The following FER variants were observed in gnomAD, a reference collection of about 807,000 sequenced individuals.
The protein encoded by FER is FER tyrosine kinase, also known as tyrosine-protein kinase Fer.
FER carries 63 observed loss-of-function variants against 111.0 expected under a neutral mutation model. The observed-to-expected ratio is 0.57, with a 90% CI of 0.46 to 0.70. The LOEUF is 0.70. Ranked by LOEUF, FER falls within the 30% of genes least tolerant of loss-of-function variation. FER has a pLI of 0.00. For missense variants in FER, 914 were observed against 954.0 expected (o/e 0.96, Z 0.55); for synonymous variants, 327 against 313.9 (o/e 1.04, Z -0.44).
intron 17 of FER, among the ~76,000 whole-genome samples, chr5:109,101,934 G>C (rs1301718455): frequency 6.6e-6 from 1 of 152,012 alleles, no homozygotes; most frequent in Non-Finnish European, 1.5e-5. Context: ...GACCGCCTGT[G>C]GGCTTTAAAC....
At chr5:108,868,379 T>C (rs1386596038) in intron 6 of FER, among the ~76,000 whole-genome samples, 1 of 152,020 alleles carries the variant, frequency 6.6e-6, no homozygotes, top group Non-Finnish European at 1.5e-5. Context: ...TTATTGAAGT[T>C]TTACGTATGC....
At chr5:108,898,543 C>T (rs567092026) in intron 10 of FER, among the ~76,000 whole-genome samples, 20 of 135,266 alleles carry the variant, frequency 1.5e-4, no homozygotes, top group South Asian at 2.8e-4. Flanking sequence ...CTCCCTTCCC[C>T]TCCCCTTCCT....
At chr5:108,834,904 A>G (rs765515175) in intron 4 of FER, among the ~76,000 whole-genome samples, 1 of 152,098 alleles carries the variant, frequency 6.6e-6, no homozygotes, top group African/African-American at 2.4e-5. Context: ...TTATCTTCCA[A>G]GTTGCTGATA....
chr5:109,096,742 G>GTTT (rs1747582698), intron 16 of FER, among the ~76,000 whole-genome samples: 1 of 151,734 alleles, frequency 6.6e-6, no homozygotes, highest in Admixed American at 6.6e-5. Flanking sequence ...GCCAGTCTAG[G>GTTT]ACCACCCTTA....
chr5:108,754,362 G>A (rs1484660543), intron 1 of FER, among the ~76,000 whole-genome samples: 1 of 145,058 alleles, frequency 6.9e-6, no homozygotes, highest in Non-Finnish European at 1.5e-5. Context: ...AGCTATGATT[G>A]CAGCACTGTG....
chr5:108,835,856 C>G (rs1304702419), intron 5 of FER, 49 bp downstream of exon 5: 6 of 1,070,908 alleles, frequency 5.6e-6, no homozygotes, highest in Non-Finnish European at 8.1e-6. Context: ...TTTATTCTTA[C>G]TGTTTGAAAG....
chr5:109,045,918 A>C (rs1771905970), intron 15 of FER, among the ~76,000 whole-genome samples: 1 of 152,190 alleles, frequency 6.6e-6, no homozygotes, highest in African/African-American at 2.4e-5. Context: ...ATTTGTTCTA[A>C]CCAATTTCAG....
At chr5:108,911,547 T>C (rs1357230232) in intron 10 of FER, among the ~76,000 whole-genome samples, 1 of 152,108 alleles carries the variant, frequency 6.6e-6, no homozygotes, top group African/African-American at 2.4e-5. Context: ...TGTAGGCCAA[T>C]GTCTGGAAGA....
intron 16 of FER, among the ~76,000 whole-genome samples, chr5:109,085,364 T>C (rs1202282883): frequency 6.6e-6 from 1 of 151,826 alleles, no homozygotes; most frequent in African/African-American, 2.4e-5. Context: ...CAAGTATTTT[T>C]TTCTGGCATA....
intron 2 of FER, among the ~76,000 whole-genome samples, chr5:108,796,266 TG>T (rs1756005374): frequency 6.6e-6 from 1 of 152,138 alleles, no homozygotes; most frequent in South Asian, 2.1e-4. Flanking sequence ...GAGCAGGGGA[TG>T]GGGTGACACA....
rs1008663372 is a variant in FER at position 108,915,236 on chromosome 5, G to A, written c.1236+17388G>A. 5.3e-5 allele frequency among the ~76,000 whole-genome samples: 8 copies of A among 152,290 alleles called. No individual in the cohort carries two copies. The South Asian group carries it at 1.5e-3, about 28-fold the overall frequency. ...GCCTGTAATCCCAGCACTTTGGGAG[G>A]CTGAGGCAGTTGGATCACCTGAGGT... On this transcript the variant is annotated intron_variant, in intron 10 of 19. Transcript: ENST00000281092.
At chr5:108,796,358 C>A (rs893315247) in intron 2 of FER, among the ~76,000 whole-genome samples, 10 of 152,246 alleles carry the variant, frequency 6.6e-5, no homozygotes, top group African/African-American at 2.2e-4. Flanking sequence ...GCCCAAGGCC[C>A]ACTGTAATTG....
At chr5:109,013,376 A>G (rs1472452107) in intron 13 of FER, among the ~76,000 whole-genome samples, 2 of 151,420 alleles carry the variant, frequency 1.3e-5, no homozygotes, top group Non-Finnish European at 2.9e-5. Context: ...GATGATTTCC[A>G]ATTTCATCCA....
chr5:108,861,948 A>G (rs1448402780), intron 5 of FER, among the ~76,000 whole-genome samples: 3 of 151,956 alleles, frequency 2.0e-5, no homozygotes, highest in African/African-American at 7.3e-5. Context: ...TGTTTTTAAA[A>G]CTCTTTGTTT....
intron 13 of FER, among the ~76,000 whole-genome samples, chr5:108,974,730 A>G (rs1298931360): frequency 6.6e-6 from 1 of 152,242 alleles, no homozygotes; most frequent in Non-Finnish European, 1.5e-5. Flanking sequence ...GTAGTCAGAC[A>G]AGAAGATATG....
At chr5:109,081,819 A>G (rs1777017009) in intron 16 of FER, among the ~76,000 whole-genome samples, 1 of 151,998 alleles carries the variant, frequency 6.6e-6, no homozygotes, top group Non-Finnish European at 1.5e-5. Context: ...TAAAGTATTT[A>G]TTACTTTATC....
chr5:109,020,822 T>C (rs1767822887), intron 13 of FER, among the ~76,000 whole-genome samples: 1 of 152,042 alleles, frequency 6.6e-6, no homozygotes, highest in African/African-American at 2.4e-5. Context: ...GAACCTCTTT[T>C]GTTTATTTTA....
intron 17 of FER, among the ~76,000 whole-genome samples, chr5:109,159,770 G>A (rs551667274): frequency 1.3e-5 from 2 of 152,276 alleles, no homozygotes; most frequent in South Asian, 4.1e-4. Flanking sequence ...TGAATGCAGA[G>A]GCACAGACTA....
rs534081745 is a variant in FER, at chr5:108,913,212, T to G, written c.1236+15364T>G. Among the ~76,000 whole-genome samples, 20 of 152,254 alleles carry G rather than the reference T, an allele frequency of 1.3e-4. 1 individual carries two copies. In the South Asian group the frequency reaches 3.7e-3, roughly 28 times the overall value. On this transcript the variant is annotated intron_variant, in intron 10 of 19. Coordinates refer to ENST00000281092, the MANE Select transcript of FER (RefSeq NM_005246.4). Reference sequence around the variant, plus strand: ...TATAAACTTTTACTGCTTAACACAGTACCTGGCAAAGAGTAGGTACTCGAT... The same window carrying G: ...TATAAACTTTTACTGCTTAACACAGGACCTGGCAAAGAGTAGGTACTCGAT...
Sources: allele counts gnomAD v4.1 joint callset (sites outside exome capture counted in the v4.1 genomes callset), GRCh38; gene constraint gnomAD v4.1.1; transcripts MANE v1.5; gene names NCBI Gene and HGNC (gene_info 2026-07-23, HGNC 2026-07-21).